RYK: variants seen among roughly 807,000 people sequenced by gnomAD.
RYK encodes the protein inactive tyrosine-protein kinase RYK.
In RYK, 21 loss-of-function variants were observed where a neutral mutation model predicts 70.2. The ratio of observed to expected loss-of-function variants is 0.30; its 90% CI spans 0.21 to 0.43. The LOEUF (loss-of-function observed/expected upper bound fraction) is 0.43, where lower values mean the gene tolerates loss of function less well. Among genes scored for constraint, RYK ranks in the 20% least tolerant of loss-of-function variants. RYK has a pLI of 1.00. For missense variants in RYK, 604 were observed against 753.3 expected, an observed-to-expected ratio of 0.80 and a Z score of 2.32; for synonymous variants, 267 against 278.0, an observed-to-expected ratio of 0.96 and a Z score of 0.39.
intron 13 of RYK, among the ~76,000 whole-genome samples, chr3:134,164,703 C>A (rs1445434390): frequency 3.9e-5 from 6 of 152,230 alleles, no homozygotes; most frequent in African/African-American, 1.4e-4. Context: ...AATAAAGCTG[C>A]TATGAACATC....
intron 13 of RYK, chr3:134,170,550 G>A: frequency 6.3e-6 from 1 of 158,466 alleles, no homozygotes; most frequent in East Asian, 1.7e-4. Context: ...CTTTGTGCAG[G>A]CATACAGAGA....
At chr3:134,193,384 C>T (rs943862793) in intron 7 of RYK, among the ~76,000 whole-genome samples, 2 of 152,116 alleles carry the variant, frequency 1.3e-5, no homozygotes, top group Admixed American at 6.6e-5. Context: ...GGGGTTTCAC[C>T]GTGTTAGCCA....
intron 14 of RYK, among the ~76,000 whole-genome samples, chr3:134,158,646 C>A (rs1292190087): frequency 1.3e-5 from 2 of 152,166 alleles, no homozygotes; most frequent in Non-Finnish European, 2.9e-5. Flanking sequence ...AGTACAAAAG[C>A]TGCCACCTTG....
chr3:134,206,636 T>A (rs181505842), intron 5 of RYK, among the ~76,000 whole-genome samples: 1 of 152,206 alleles, frequency 6.6e-6, no homozygotes. Context: ...ATTAGGTGAT[T>A]GTGGGGGTTT....
intron 1 of RYK, among the ~76,000 whole-genome samples, chr3:134,238,137 T>C (rs917624785): frequency 6.6e-6 from 1 of 152,242 alleles, no homozygotes; most frequent in Non-Finnish European, 1.5e-5. Flanking sequence ...TGAGACCTAA[T>C]GTTTAACTAC....
chr3:134,177,839 A>G, intron 11 of RYK, 102 bp downstream of exon 11: 1 of 950,380 alleles, frequency 1.1e-6, no homozygotes, highest in Non-Finnish European at 1.6e-6. Flanking sequence ...TCTTTTTTGC[A>G]GGCCTCTAAA....
At chr3:134,173,599 A>C (rs926388836) in intron 13 of RYK, among the ~76,000 whole-genome samples, 2 of 152,112 alleles carry the variant, frequency 1.3e-5, no homozygotes, top group Admixed American at 6.5e-5. Flanking sequence ...AAAGCATCAG[A>C]TCTCGTGAGA....
chr3:134,209,694 C>T lies in RYK; in HGVS notation c.589+1G>A. The T allele has an allele frequency of 6.9e-7, 1 of 1,457,178 alleles. No individual in the cohort carries two copies. The allele number at this position is 1,457,178 out of a possible 1,614,324, so 90.3% of individuals were successfully genotyped here. ...CATATTTTGGTAAATAAATTCCTTA[C>T]TTTTGTAGCACATTTTCCTTCGTTT... On this transcript the variant is annotated splice_donor_variant, in intron 4 of 14. Coordinates refer to ENST00000623711, the MANE Select transcript of RYK (RefSeq NM_002958.4). LOFTEE classifies it high-confidence loss of function.
intron 14 of RYK, 113 bp from the exon 15 acceptor site, chr3:134,158,377 A>G (rs1436078667): frequency 4.8e-5 from 22 of 454,540 alleles, no homozygotes; most frequent in Non-Finnish European, 7.5e-5. Flanking sequence ...GGAGAGGATG[A>G]TATATTAAAA....
intron 4 of RYK, among the ~76,000 whole-genome samples, chr3:134,208,742 C>T (rs1332239963): frequency 6.6e-6 from 1 of 152,154 alleles, no homozygotes; most frequent in Non-Finnish European, 1.5e-5. Context: ...CCTAGCTGCA[C>T]CACTTAGCTA....
chr3:134,212,014 C>T (rs923281710), intron 2 of RYK, among the ~76,000 whole-genome samples: 5 of 152,200 alleles, frequency 3.3e-5, no homozygotes, highest in African/African-American at 1.2e-4. Context: ...GCTCGGAGGG[C>T]CTCCTTGTGG....
intron 9 of RYK, among the ~76,000 whole-genome samples, chr3:134,186,533 T>C (rs9853568): frequency 0.14 from 21,941 of 152,166 alleles, 1,945 homozygotes; most frequent in East Asian, 0.47. Context: ...TCTAACAAAT[T>C]TGAGGCAATG....
At chr3:134,208,244 TC>T (rs2014276634) in intron 4 of RYK, among the ~76,000 whole-genome samples, 1 of 152,222 alleles carries the variant, frequency 6.6e-6, no homozygotes, top group Non-Finnish European at 1.5e-5. Flanking sequence ...ACTGGTGGGA[TC>T]CAGAGGCCAC....
chr3:134,193,445 A>C (rs373811160), intron 7 of RYK, among the ~76,000 whole-genome samples: 14 of 152,302 alleles, frequency 9.2e-5, no homozygotes, highest in African/African-American at 3.1e-4. Context: ...GGCCTCCCAA[A>C]GTGGTGGGAT....
intron 5 of RYK, among the ~76,000 whole-genome samples, chr3:134,204,058 A>G (rs2014117381): frequency 6.6e-6 from 1 of 152,240 alleles, no homozygotes; most frequent in African/African-American, 2.4e-5. Flanking sequence ...CCACTGACTC[A>G]CAGAAGACTG....
At chr3:134,219,831 A>G (rs776825130) in intron 2 of RYK, among the ~76,000 whole-genome samples, 1 of 152,236 alleles carries the variant, frequency 6.6e-6, no homozygotes, top group Non-Finnish European at 1.5e-5. Context: ...TACCCTCACC[A>G]CACCACAGGC....
chr3:134,241,601 G>T (rs937810610), intron 1 of RYK, among the ~76,000 whole-genome samples: 1 of 152,110 alleles, frequency 6.6e-6, no homozygotes, highest in African/African-American at 2.4e-5. Flanking sequence ...TAATTTACCT[G>T]AGCCCCATCT....
intron 2 of RYK, among the ~76,000 whole-genome samples, chr3:134,221,389 G>A (rs1393940436): frequency 6.6e-6 from 1 of 151,662 alleles, no homozygotes; most frequent in Non-Finnish European, 1.5e-5. Context: ...ATTTTTAGTA[G>A]AGATGGGGTT....
At chr3:134,249,620 A>T (rs1341533821) in intron 1 of RYK, among the ~76,000 whole-genome samples, 1 of 152,148 alleles carries the variant, frequency 6.6e-6, no homozygotes, top group Non-Finnish European at 1.5e-5. Flanking sequence ...TTAATTCCCC[A>T]AACAACAAAG....
Sources: gnomAD v4.1 joint callset for allele counts (sites outside exome capture counted in the v4.1 genomes callset) on GRCh38, gnomAD v4.1.1 for gene constraint, MANE v1.5 for transcripts, NCBI Gene and HGNC (gene_info 2026-07-23, HGNC 2026-07-21) for gene names.